GMPS: variants seen among roughly 807,000 people sequenced by gnomAD.
GMPS encodes guanosine monophosphate synthase, also known as GMP synthase [glutamine-hydrolyzing].
A neutral mutation model predicts 77.9 loss-of-function variants in GMPS; 15 were observed. The ratio of observed to expected loss-of-function variants is 0.19; its 90% CI spans 0.13 to 0.30. The LOEUF (loss-of-function observed/expected upper bound fraction) is 0.30. GMPS is among the 10% of genes least tolerant of loss of function. The pLI is 1.00. For synonymous variants in GMPS, 224 were observed against 275.9 expected (o/e 0.81, Z 1.86); for missense variants, 590 against 838.8 (o/e 0.70, Z 3.66).
chr3:155,882,633 G>A (rs748239609), intron 1 of GMPS, among the ~76,000 whole-genome samples: 1 of 152,254 alleles, frequency 6.6e-6, no homozygotes, highest in East Asian at 1.9e-4. Context: ...CTAGACAAAT[G>A]AAAATTTAAA....
At chr3:155,925,665 A>G (rs1755436361) in intron 12 of GMPS, among the ~76,000 whole-genome samples, 1 of 152,186 alleles carries the variant, frequency 6.6e-6, no homozygotes, top group Non-Finnish European at 1.5e-5. Context: ...GTAGTTTTGG[A>G]ACATCTATGA....
At chr3:155,904,730 T>TA (rs1754827774) in intron 4 of GMPS, among the ~76,000 whole-genome samples, 1 of 152,242 alleles carries the variant, frequency 6.6e-6, no homozygotes, top group South Asian at 2.1e-4. Flanking sequence ...TGTTGACACT[T>TA]ACATTCATCC....
chr3:155,915,505 G>A (rs62286858), intron 8 of GMPS, among the ~76,000 whole-genome samples: 8,308 of 152,180 alleles, frequency 0.055, 316 homozygotes, highest in East Asian at 0.18. Context: ...GGGTTCAAGC[G>A]ATTCTCCTGC....
chr3:155,876,696 G>T (rs1379829440), intron 1 of GMPS, among the ~76,000 whole-genome samples: 1 of 152,122 alleles, frequency 6.6e-6, no homozygotes, highest in Non-Finnish European at 1.5e-5. Flanking sequence ...TTCTGAGTTT[G>T]GCTCTGATTT....
chr3:155,921,031 C>T (rs967558088), intron 10 of GMPS, among the ~76,000 whole-genome samples: 35 of 152,142 alleles, frequency 2.3e-4, no homozygotes, highest in African/African-American at 8.2e-4. Context: ...CACTTGAGGT[C>T]AGGAGTTCCA....
chr3:155,903,748 G>A (rs1054421922), intron 3 of GMPS, 115 bp from the exon 4 acceptor site: 29 of 507,656 alleles, frequency 5.7e-5, no homozygotes, highest in Non-Finnish European at 9.6e-5. Context: ...TTTATTTTGG[G>A]GATACAGGTA....
intron 3 of GMPS, among the ~76,000 whole-genome samples, chr3:155,902,083 T>C (rs1754749583): frequency 6.6e-6 from 1 of 152,216 alleles, no homozygotes; most frequent in Non-Finnish European, 1.5e-5. Flanking sequence ...GAGTACTATA[T>C]GGCTTTCTTT....
Position 155,942,125 on chromosome 3 carries a change from G to C in GMPS, c.*4433G>C, listed in dbSNP as rs1418359266. 5.3e-6 allele frequency: 1 copy of C among 188,592 alleles called. No homozygotes were observed. The highest frequency in any genetic ancestry group is 1.1e-5 in the Non-Finnish European group (1 of 89,958). 11.7% of individuals were successfully genotyped at this position (188,592 alleles called of 1,614,324 possible). On this transcript the variant is annotated 3_prime_UTR_variant, in exon 16 of 16. Coordinates refer to ENST00000496455, the MANE Select transcript of GMPS (RefSeq NM_003875.3). ...TGTTTTTTTTTTAAGACAGAGTCTC[G>C]CTCTGTCCCCAAGTGCAGTGGCACA...
intron 3 of GMPS, among the ~76,000 whole-genome samples, chr3:155,902,993 G>A (rs1754767241): frequency 6.6e-6 from 1 of 152,142 alleles, no homozygotes; most frequent in Admixed American, 6.5e-5. Context: ...GGCACCATTT[G>A]CTAATGGTTT....
At chr3:155,900,909 G>A (rs954433773) in intron 3 of GMPS, among the ~76,000 whole-genome samples, 2 of 152,050 alleles carry the variant, frequency 1.3e-5, no homozygotes, top group African/African-American at 4.8e-5. Context: ...GTATACCTTT[G>A]CCCCCCATGA....
At chr3:155,880,434 G>T (rs1457833865) in intron 1 of GMPS, among the ~76,000 whole-genome samples, 1 of 152,162 alleles carries the variant, frequency 6.6e-6, no homozygotes, top group Non-Finnish European at 1.5e-5. Context: ...TATCTTTAGT[G>T]TCAGTTTGTG....
At chr3:155,874,976 C>T (rs1441939636) in intron 1 of GMPS, among the ~76,000 whole-genome samples, 2 of 138,854 alleles carry the variant, frequency 1.4e-5, no homozygotes, top group Admixed American at 8.3e-5. Flanking sequence ...GGCATGATCT[C>T]GGCTCACTGC....
chr3:155,914,235 C>T lies in GMPS; in HGVS notation c.887-184C>T, dbSNP rs962816507. 5.9e-5 allele frequency among the ~76,000 whole-genome samples: 9 copies of T among 152,154 alleles called. No individual in the cohort carries two copies. The East Asian group carries it at 7.7e-4, about 13-fold the overall frequency. Reference sequence around the variant, plus strand: ...TGCTGGGATTATAGGCATGAGCCACCGGGCCCGGCCAATAATTCTTGAATA... The same window carrying T: ...TGCTGGGATTATAGGCATGAGCCACTGGGCCCGGCCAATAATTCTTGAATA... On this transcript the variant is annotated intron_variant, in intron 7 of 15. Transcript: ENST00000496455.
intron 4 of GMPS, among the ~76,000 whole-genome samples, 159 bp from the exon 5 acceptor site, chr3:155,906,001 A>G (rs1253897293): frequency 6.6e-6 from 1 of 150,438 alleles, no homozygotes; most frequent in Non-Finnish European, 1.5e-5. Flanking sequence ...CTTTATTTGT[A>G]ATGGACATAA....
In GMPS at chr3:155,890,696, G is replaced by A. The variant is rs1754443073; in HGVS notation, c.28-2822G>A. Among the ~76,000 whole-genome samples the A allele has an allele frequency of 2.0e-5, 3 of 152,066 alleles. No homozygotes were observed. The South Asian group carries it at 6.2e-4, about 32-fold the overall frequency. On this transcript the variant is annotated intron_variant, in intron 1 of 15. Coordinates refer to ENST00000496455, the MANE Select transcript of GMPS (RefSeq NM_003875.3). Reference sequence around the variant, plus strand: ...TGCTTTAATGTGAAGTATTTTCCTGGAGTCACTTCCTTTGGGACGTTGCCA... The same window carrying A: ...TGCTTTAATGTGAAGTATTTTCCTGAAGTCACTTCCTTTGGGACGTTGCCA...
At chr3:155,898,988 TG>T (rs1477599872) in intron 3 of GMPS, among the ~76,000 whole-genome samples, 1 of 152,232 alleles carries the variant, frequency 6.6e-6, no homozygotes, top group Non-Finnish European at 1.5e-5. Flanking sequence ...CTTAGCACTT[TG>T]GGAGGCCGAG....
chr3:155,870,860 C>T lies in GMPS; in HGVS notation c.-11C>T, dbSNP rs753913664. The T allele has an allele frequency of 2.7e-5, 40 of 1,502,492 alleles. No individual in the cohort carries two copies. The highest frequency in any genetic ancestry group is 3.4e-5 in the Non-Finnish European group (38 of 1,128,152). The allele number at this position is 1,502,492 out of a possible 1,614,324, so 93.1% of individuals were successfully genotyped here. A position where few individuals can be genotyped will look rare whatever the true frequency, so the allele number is the denominator to read the frequency against. On this transcript the variant is annotated 5_prime_UTR_variant, in exon 1 of 16. Transcript: ENST00000496455. ...GTCGCCGTCACCGCCGCGGCTCCGG[C>T]CCTGGCCCCGATGGCTCTGTGCAAC...
intron 2 of GMPS, among the ~76,000 whole-genome samples, chr3:155,895,896 C>A (rs934189405): frequency 2.0e-5 from 3 of 151,990 alleles, no homozygotes; most frequent in Non-Finnish European, 4.4e-5. Flanking sequence ...GGGTACTGGG[C>A]AGTCCCATGG....
At chr3:155,875,294 G>C (rs1406368547) in intron 1 of GMPS, among the ~76,000 whole-genome samples, 2 of 152,164 alleles carry the variant, frequency 1.3e-5, no homozygotes, top group African/African-American at 4.8e-5. Context: ...GCAGTGGCAT[G>C]ATCTCCCCTC....
Sources: gnomAD v4.1 joint callset for allele counts (sites outside exome capture counted in the v4.1 genomes callset) on GRCh38, gnomAD v4.1.1 for gene constraint, MANE v1.5 for transcripts, NCBI Gene and HGNC (gene_info 2026-07-23, HGNC 2026-07-21) for gene names.